The following ATG4A variants were observed in gnomAD, a reference collection of about 807,000 sequenced individuals.
The protein encoded by ATG4A is autophagy related 4A cysteine peptidase, also known as cysteine protease ATG4A.
A neutral mutation model predicts 38.4 loss-of-function variants in ATG4A; 22 were observed. The observed-to-expected ratio is 0.57, with a 90% CI of 0.41 to 0.82. ATG4A has a LOEUF of 0.82. Among genes scored for constraint, ATG4A ranks in the 40% least tolerant of loss-of-function variants. The pLI is 0.00. For missense variants in ATG4A, 220 were observed against 290.0 expected (o/e 0.76, Z 1.75); for synonymous variants, 86 against 100.7 (o/e 0.85, Z 0.88).
rs144162920 is a variant in ATG4A, at chrX:108,093,421, G to C, written c.10+1585G>C. On this transcript the variant is annotated intron_variant, in intron 1 of 12. Coordinates refer to ENST00000372232, the MANE Select transcript of ATG4A (RefSeq NM_052936.5). Reference sequence around the variant, plus strand: ...TTCCTTACTTTTTTATTGCTGAATAGTATTCCATTTTATGGATATAACACA... The same window carrying C: ...TTCCTTACTTTTTTATTGCTGAATACTATTCCATTTTATGGATATAACACA... Among the ~76,000 whole-genome samples, 82 of 112,090 alleles carry C rather than the reference G, an allele frequency of 7.3e-4. 2 individuals are homozygous for C. The East Asian group carries it at 0.021, about 29-fold the overall frequency.
At chrX:108,096,915 T>A (rs566354751) in intron 1 of ATG4A, among the ~76,000 whole-genome samples, 4 of 110,732 alleles carry the variant, frequency 3.6e-5, no homozygotes, top group African/African-American at 1.3e-4. Flanking sequence ...CCTGTTAGGG[T>A]CTGACTCCCT....
chrX:108,104,926 T>G (rs1194185860), intron 1 of ATG4A, among the ~76,000 whole-genome samples: 1 of 41,217 alleles, frequency 2.4e-5, no homozygotes, highest in Non-Finnish European at 5.9e-5. Flanking sequence ...ACCTGTCATG[T>G]TTTTTTTTTT....
chrX:108,148,047 A>G (rs1222789032), intron 9 of ATG4A, among the ~76,000 whole-genome samples: 6 of 7,520 alleles, frequency 8.0e-4, no homozygotes, highest in Admixed American at 4.3e-3. Flanking sequence ...ATATATATAT[A>G]TATATATATA....
intron 9 of ATG4A, among the ~76,000 whole-genome samples, chrX:108,142,831 A>G (rs753732758): frequency 2.7e-5 from 3 of 111,621 alleles, no homozygotes; most frequent in Non-Finnish European, 5.6e-5. Flanking sequence ...TGCTTTGGCA[A>G]CACCCTCACA....
chrX:108,133,616 T>G (rs1324445026), intron 4 of ATG4A, among the ~76,000 whole-genome samples: 1 of 112,439 alleles, frequency 8.9e-6, no homozygotes, highest in African/African-American at 3.2e-5. Flanking sequence ...CGTGAGATCC[T>G]TTTGTCAATG....
chrX:108,099,647 A>G (rs1452707254), intron 1 of ATG4A, among the ~76,000 whole-genome samples: 1 of 112,188 alleles, frequency 8.9e-6, no homozygotes, highest in Non-Finnish European at 1.9e-5. Context: ...ATTCAAGTCC[A>G]TGATCCATTT....
At chrX:108,138,420 A>C (rs2033158035) in intron 9 of ATG4A, among the ~76,000 whole-genome samples, 1 of 112,049 alleles carries the variant, frequency 8.9e-6, no homozygotes, top group East Asian at 2.8e-4. Flanking sequence ...CTTCTTGATA[A>C]GATGGTTCCA....
At chrX:108,108,360 G>GTA (rs1016884676) in intron 1 of ATG4A, among the ~76,000 whole-genome samples, 22 of 107,169 alleles carry the variant, frequency 2.1e-4, no homozygotes, top group East Asian at 8.8e-4. Context: ...TATGAGTTAT[G>GTA]TATATATATA....
At chrX:108,141,145 T>G (rs2033283425) in intron 9 of ATG4A, among the ~76,000 whole-genome samples, 1 of 86,437 alleles carries the variant, frequency 1.2e-5, no homozygotes, top group African/African-American at 4.4e-5. Context: ...GGCTCAGTGT[T>G]GGTCTGTGCT....
chrX:108,095,796 T>A (rs992996599), intron 1 of ATG4A, among the ~76,000 whole-genome samples: 1 of 107,899 alleles, frequency 9.3e-6, no homozygotes, highest in African/African-American at 3.4e-5. Context: ...CTGCAACCTC[T>A]GCCTCCCAGG....
chrX:108,113,506 G>T (rs2032422515), intron 1 of ATG4A, among the ~76,000 whole-genome samples: 1 of 111,385 alleles, frequency 9.0e-6, no homozygotes, highest in African/African-American at 3.3e-5. Context: ...GCAGTTTTCA[G>T]GGGCAGTTAT....
chrX:108,128,818 A>G lies in ATG4A; in HGVS notation c.159A>G (p.Leu53=). ...SKLLSDISAR[L]WFTYRRKFSP... ...TGTTGTCTGATATAAGTGCTCGTCT[A>G]TGGTTTACATACAGAAGGAAATTTT... Residue 53 remains leucine, a synonymous_variant, in exon 3 of 13, where the codon CTA becomes CTG. Coordinates refer to ENST00000372232, the MANE Select transcript of ATG4A (RefSeq NM_052936.5). The G allele has an allele frequency of 8.4e-7, 1 of 1,189,726 alleles. No homozygotes were observed. The highest frequency in any genetic ancestry group is 1.1e-6 in the Non-Finnish European group (1 of 884,583).
intron 1 of ATG4A, among the ~76,000 whole-genome samples, chrX:108,124,461 CT>C (rs940554097): frequency 7.6e-5 from 8 of 105,925 alleles, no homozygotes; most frequent in East Asian, 2.9e-4. Context: ...CTTTTTTTTT[CT>C]TTTTTTTTGA....
intron 1 of ATG4A, among the ~76,000 whole-genome samples, chrX:108,095,956 C>T (rs1256915506): frequency 8.9e-6 from 1 of 112,007 alleles, no homozygotes; most frequent in Non-Finnish European, 1.9e-5. Context: ...GTGATCTGCT[C>T]ACCTTGGCCT....
intron 1 of ATG4A, among the ~76,000 whole-genome samples, chrX:108,102,991 T>TC (rs1160229494): frequency 9.1e-6 from 1 of 110,140 alleles, no homozygotes; most frequent in Non-Finnish European, 1.9e-5. Context: ...TCCCTCCTCC[T>TC]CCCCCTACTC....
In ATG4A at chrX:108,142,578, C is replaced by T. The variant is rs187980317; in HGVS notation, c.814+4387C>T. On this transcript the variant is annotated intron_variant, in intron 9 of 12. Coordinates refer to ENST00000372232, the MANE Select transcript of ATG4A (RefSeq NM_052936.5). ...ATTAACTCACATGATCACAAAGTCC[C>T]ACAATAGGCCATCTGCAGGCTGAGG... Among the ~76,000 whole-genome samples, 390 of 110,474 alleles carry T rather than the reference C, an allele frequency of 3.5e-3. 2 individuals carry two copies. Among genetic ancestry groups the T allele is most frequent in the African/African-American group, 0.012 (378 of 30,315 alleles).
At chrX:108,120,237 C>A (rs1324173988) in intron 1 of ATG4A, among the ~76,000 whole-genome samples, 1 of 112,277 alleles carries the variant, frequency 8.9e-6, no homozygotes, top group Non-Finnish European at 1.9e-5. Flanking sequence ...TTTACAAAGG[C>A]GGCATCCTCT....
chrX:108,133,796 C>G (rs1055925933), intron 4 of ATG4A, among the ~76,000 whole-genome samples: 13 of 111,995 alleles, frequency 1.2e-4, no homozygotes, highest in Non-Finnish European at 2.1e-4. Flanking sequence ...TTATCCAGCT[C>G]CAGCCCTTGG....
intron 1 of ATG4A, among the ~76,000 whole-genome samples, chrX:108,110,847 CTT>C (rs1003512801): frequency 2.7e-5 from 3 of 111,937 alleles, no homozygotes; most frequent in Admixed American, 9.4e-5. Flanking sequence ...CCTTCTGTCT[CTT>C]TGTTTATTTT....
Sources: gnomAD v4.1 joint callset for allele counts (sites outside exome capture counted in the v4.1 genomes callset) on GRCh38, gnomAD v4.1.1 for gene constraint, MANE v1.5 for transcripts, NCBI Gene and HGNC (gene_info 2026-07-23, HGNC 2026-07-21) for gene names.